DNAH7: variants seen among roughly 807,000 people sequenced by gnomAD.
The protein encoded by DNAH7 is dynein axonemal heavy chain 7.
A neutral mutation model predicts 444.6 loss-of-function variants in DNAH7; 397 were observed. The observed-to-expected ratio is 0.89, with a 90% CI of 0.82 to 0.97. The LOEUF (loss-of-function observed/expected upper bound fraction) is 0.97. Ranked by LOEUF, DNAH7 falls within the 50% of genes least tolerant of loss-of-function variation. The pLI is 0.00. For synonymous variants in DNAH7, 1,636 were observed against 1,624.4 expected (o/e 1.01, Z -0.17); for missense variants, 4,902 against 4,800.8 (o/e 1.02, Z -0.62).
rs887943491 is a variant in DNAH7, at chr2:195,939,831, C to T, written c.3079-3039G>A. ...TCTCATTTCTGCTACTAGGAAGTTT[C>T]ATAGAAAATACGGTTTTGTCACTGC... On this transcript the variant is annotated intron_variant, in intron 19 of 64. Coordinates refer to ENST00000312428, the MANE Select transcript of DNAH7 (RefSeq NM_018897.3). Among the ~76,000 whole-genome samples, 4 of 152,034 alleles carry T rather than the reference C, an allele frequency of 2.6e-5. No individual in the cohort carries two copies. The East Asian group carries it at 5.8e-4, about 22-fold the overall frequency.
intron 5 of DNAH7, among the ~76,000 whole-genome samples, chr2:196,045,134 GAGGAGGAGGAGA>G (rs1331549536): frequency 3.1e-4 from 46 of 148,628 alleles, no homozygotes; most frequent in African/African-American, 1.1e-3. Context: ...AGAGGAGATG[GAGGAGGAGGAGA>G]AGGAGGAGGA....
intron 15 of DNAH7, among the ~76,000 whole-genome samples, chr2:195,979,739 G>A (rs1033688899): frequency 3.3e-5 from 5 of 151,986 alleles, no homozygotes; most frequent in African/African-American, 1.2e-4. Context: ...GAAAAAAAGA[G>A]AGAAGACTCA....
intron 7 of DNAH7, among the ~76,000 whole-genome samples, chr2:196,025,771 T>C (rs1695646313): frequency 6.6e-6 from 1 of 152,174 alleles, no homozygotes; most frequent in African/African-American, 2.4e-5. Flanking sequence ...TTAGGCTTTT[T>C]ATTTTTATAT....
At chr2:196,044,958 C>G (rs1697007145) in intron 5 of DNAH7, among the ~76,000 whole-genome samples, 2 of 151,840 alleles carry the variant, frequency 1.3e-5, no homozygotes, top group South Asian at 4.2e-4. Context: ...GTGCCTTAGT[C>G]AGGAGGCTGA....
At chr2:195,948,947 T>C (rs1387667683) in intron 19 of DNAH7, among the ~76,000 whole-genome samples, 1 of 152,204 alleles carries the variant, frequency 6.6e-6, no homozygotes. Context: ...TTTCCATTTG[T>C]TTGTATCTTC....
At chr2:196,040,427 T>C (rs1696666247) in intron 5 of DNAH7, among the ~76,000 whole-genome samples, 1 of 152,058 alleles carries the variant, frequency 6.6e-6, no homozygotes, top group Admixed American at 6.5e-5. Context: ...TCAACATTCA[T>C]AAATCAATAT....
intron 60 of DNAH7, among the ~76,000 whole-genome samples, chr2:195,772,531 T>TG (rs1432447208): frequency 6.6e-6 from 1 of 151,542 alleles, no homozygotes; most frequent in African/African-American, 2.4e-5. Flanking sequence ...CTATATTTTC[T>TG]GAAAAAAAAA....
intron 37 of DNAH7, 88 bp downstream of exon 37, chr2:195,876,456 G>C: frequency 7.7e-7 from 1 of 1,294,494 alleles, no homozygotes; most frequent in Non-Finnish European, 1.1e-6. Flanking sequence ...TATACAAAAA[G>C]ATGTCTCTCC....
chr2:195,907,292 C>A (rs1430804068), intron 25 of DNAH7, among the ~76,000 whole-genome samples: 1 of 151,792 alleles, frequency 6.6e-6, no homozygotes, highest in African/African-American at 2.4e-5. Context: ...GCCTTTCCTG[C>A]TTTTTATTTA....
In DNAH7 at chr2:195,752,907, G is replaced by A. The variant is rs561749582; in HGVS notation, c.11764+1430C>T. On this transcript the variant is annotated intron_variant, in intron 63 of 64. Coordinates refer to ENST00000312428, the MANE Select transcript of DNAH7 (RefSeq NM_018897.3). ...GATAACTAATAGGAAGTGAGAACCT[G>A]CAGACAGCATGTAAAGACAATTCTT... Among the ~76,000 whole-genome samples, 161 of 152,332 alleles carry A rather than the reference G, an allele frequency of 1.1e-3. 2 individuals are homozygous for A. The highest frequency in any genetic ancestry group is 3.7e-3 in the African/African-American group (153 of 41,570).
chr2:195,850,838 G>C (rs1431254724), intron 46 of DNAH7, among the ~76,000 whole-genome samples: 3 of 152,126 alleles, frequency 2.0e-5, no homozygotes, highest in African/African-American at 7.2e-5. Context: ...AAGGGTGAGG[G>C]ACCAGCCTAA....
At chr2:195,756,696 A>T (rs1452374923) in intron 61 of DNAH7, among the ~76,000 whole-genome samples, 2 of 152,004 alleles carry the variant, frequency 1.3e-5, no homozygotes, top group African/African-American at 4.8e-5. Flanking sequence ...TACTTTAAAA[A>T]TTTTTTTGTA....
chr2:195,986,018 T>G (rs1374973532), intron 14 of DNAH7, among the ~76,000 whole-genome samples: 2 of 152,162 alleles, frequency 1.3e-5, no homozygotes, highest in Admixed American at 6.5e-5. Flanking sequence ...CCTCTACATA[T>G]TATCTTCTCT....
chr2:195,844,884 A>T, intron 47 of DNAH7, 118 bp downstream of exon 47: 2 of 798,932 alleles, frequency 2.5e-6, no homozygotes, highest in Non-Finnish European at 1.9e-6. Flanking sequence ...TAATTTCACT[A>T]ATTAGTTAAG....
At chr2:195,786,972 C>A (rs1049634044) in intron 58 of DNAH7, 38 bp downstream of exon 58, 2 of 1,518,258 alleles carry the variant, frequency 1.3e-6, no homozygotes, top group Non-Finnish European at 1.8e-6. Context: ...TGATAAAGAG[C>A]AACATAGGTA....
chr2:196,054,888 C>T (rs183388613), intron 2 of DNAH7, among the ~76,000 whole-genome samples: 11 of 152,272 alleles, frequency 7.2e-5, no homozygotes, highest in African/African-American at 2.4e-4. Context: ...TCCCTTTCCA[C>T]GATGTTTGTA....
In DNAH7 at chr2:195,794,303, C is replaced by T. The variant is rs771174639; in HGVS notation, c.10716+35G>A. ...ACCAGGGGCCACTTGAAGTGCTTTA[C>T]AGGGCCGAGGTAACAAGACTTAACC... On this transcript the variant is annotated intron_variant, in intron 57 of 64. Transcript: ENST00000312428. 14 of 1,609,232 alleles carry T rather than the reference C, an allele frequency of 8.7e-6. No homozygotes were observed. In the South Asian group the frequency reaches 1.3e-4, roughly 15 times the overall value.
Position 195,777,900 on chromosome 2 carries a change from A to G in DNAH7, c.10964T>C (p.Leu3655Pro), listed in dbSNP as rs376553546. ...RVTDDWDRRTLRSILNKFFNP... is the reference protein window; with the variant it reads ...RVTDDWDRRTPRSILNKFFNP... ...GAAGAATTTGTTTAGAATGCTGCGC[A>G]GCGTGCGCCGGTCCCAGTCATCGGT... The change falls in exon 59 of 65, where the codon CTG becomes CCG. Residue 3655 changes from leucine (L) to proline (P), a missense_variant. Transcript: ENST00000312428. 1.6e-5 allele frequency: 26 copies of G among 1,614,220 alleles called. No homozygotes were observed. Among genetic ancestry groups the G allele is most frequent in the Non-Finnish European group, 2.0e-5 (24 of 1,180,020 alleles).
chr2:195,972,130 T>C lies in DNAH7; in HGVS notation c.2058+112A>G. ...TTATAGTGAGATTATAGCATTATAG[T>C]ATGAGAAAGCTAAAAAAGTATGCAC... On this transcript the variant is annotated intron_variant, in intron 16 of 64. Transcript: ENST00000312428. 6 of 794,396 alleles carry C rather than the reference T, an allele frequency of 7.6e-6. No individual in the cohort carries two copies. The Admixed American group carries it at 1.4e-4, about 18-fold the overall frequency. 49.2% of individuals were successfully genotyped at this position (794,396 alleles called of 1,614,324 possible).
Sources: allele counts gnomAD v4.1 joint callset (sites outside exome capture counted in the v4.1 genomes callset), GRCh38; gene constraint gnomAD v4.1.1; transcripts MANE v1.5; gene names NCBI Gene and HGNC (gene_info 2026-07-23, HGNC 2026-07-21).